GPD2: variants seen among roughly 807,000 people sequenced by gnomAD.
GPD2 encodes the protein glycerol-3-phosphate dehydrogenase 2, also known as glycerol-3-phosphate dehydrogenase, mitochondrial.
A neutral mutation model predicts 82.4 loss-of-function variants in GPD2; 54 were observed. That is an observed-to-expected ratio of 0.66 (90% CI 0.53 to 0.82). The LOEUF (loss-of-function observed/expected upper bound fraction) is 0.82, where lower values mean the gene tolerates loss of function less well. Ranked by LOEUF, GPD2 falls within the 40% of genes least tolerant of loss-of-function variation. The pLI, the probability that GPD2 is intolerant of heterozygous loss-of-function variation, is 0.00. For missense variants in GPD2, 748 were observed against 896.2 expected, an observed-to-expected ratio of 0.83 and a Z score of 2.11; for synonymous variants, 288 against 306.1, an observed-to-expected ratio of 0.94 and a Z score of 0.62.
chr2:156,456,477 A>G (rs558060634), intron 1 of GPD2, among the ~76,000 whole-genome samples: 1 of 151,970 alleles, frequency 6.6e-6, no homozygotes, highest in East Asian at 1.9e-4. Flanking sequence ...GTGGCGCACA[A>G]CTGTAATCCC....
intron 2 of GPD2, among the ~76,000 whole-genome samples, chr2:156,481,802 G>T (rs1683743937): frequency 6.6e-6 from 1 of 151,980 alleles, no homozygotes; most frequent in Admixed American, 6.6e-5. Flanking sequence ...TTTAATAACT[G>T]AATAGTATTC....
At chr2:156,552,613 C>T (rs952303076) in intron 8 of GPD2, among the ~76,000 whole-genome samples, 5 of 152,122 alleles carry the variant, frequency 3.3e-5, no homozygotes, top group Admixed American at 2.6e-4. Flanking sequence ...TCACTATCAT[C>T]CCATGATGTC....
At chr2:156,466,850 G>T (rs1289903126) in intron 1 of GPD2, among the ~76,000 whole-genome samples, 1 of 151,902 alleles carries the variant, frequency 6.6e-6, no homozygotes, top group Admixed American at 6.6e-5. Context: ...TGCATTTTTT[G>T]AACTCTGCCC....
At position 156,569,661 on chromosome 2, in the gene GPD2, G is replaced by A; in HGVS notation, c.1476+123G>A. On this transcript the variant is annotated intron_variant, in intron 11 of 16. Coordinates refer to ENST00000438166, the MANE Select transcript of GPD2 (RefSeq NM_000408.5). ...CCTTTTGCTGAATACATTTCTGCCA[G>A]TCTGTTATGGAAGGAAAAAAAGATG... The A allele has an allele frequency of 5.0e-6, 4 of 794,798 alleles. No homozygotes were observed. The South Asian group carries it at 5.6e-5, about 11-fold the overall frequency. 49.2% of individuals were successfully genotyped at this position (794,798 alleles called of 1,614,324 possible).
chr2:156,507,168 C>T (rs1227619737), intron 3 of GPD2, among the ~76,000 whole-genome samples: 2 of 151,960 alleles, frequency 1.3e-5, no homozygotes, highest in East Asian at 1.9e-4. Context: ...CATGCACCAC[C>T]GTGCCTGACA....
Position 156,496,042 on chromosome 2 carries a change from A to G in GPD2, c.103-2A>G, listed in dbSNP as rs1684359314. ...ACTGAAAGTGATCTGCTTTTACATC[A>G]GATGAACCTGGCCTATGTTAAAGCA... On this transcript the variant is annotated splice_acceptor_variant, in intron 2 of 16. Coordinates refer to ENST00000438166, the MANE Select transcript of GPD2 (RefSeq NM_000408.5). LOFTEE classifies it high-confidence loss of function. 1.2e-6 allele frequency: 2 copies of G among 1,609,618 alleles called. No individual in the cohort carries two copies. The highest frequency in any genetic ancestry group is 1.3e-5 in the African/African-American group (1 of 74,800).
At chr2:156,479,518 T>C (rs1198489373) in intron 2 of GPD2, among the ~76,000 whole-genome samples, 4 of 152,200 alleles carry the variant, frequency 2.6e-5, no homozygotes, top group African/African-American at 9.6e-5. Flanking sequence ...GTTTATTATT[T>C]TTATTTTCTA....
At chr2:156,477,035 T>A (rs536637666) in intron 2 of GPD2, among the ~76,000 whole-genome samples, 1 of 152,360 alleles carries the variant, frequency 6.6e-6, no homozygotes, top group Admixed American at 6.5e-5. Flanking sequence ...CTTTAAGCCA[T>A]GGTTTGTCTT....
intron 9 of GPD2, among the ~76,000 whole-genome samples, chr2:156,560,248 A>G (rs1302114695): frequency 6.6e-6 from 1 of 152,198 alleles, no homozygotes; most frequent in Non-Finnish European, 1.5e-5. Flanking sequence ...GCTTTAACGG[A>G]GACTGGATCA....
At chr2:156,510,029 C>T (rs1200718639) in intron 3 of GPD2, among the ~76,000 whole-genome samples, 1 of 151,950 alleles carries the variant, frequency 6.6e-6, no homozygotes, top group Non-Finnish European at 1.5e-5. Flanking sequence ...GTGATCCACC[C>T]GCCTCCGCCT....
chr2:156,407,212 C>G, the GPD2 span, among the ~76,000 whole-genome samples: 5 of 152,176 alleles, frequency 3.3e-5, no homozygotes, highest in African/African-American at 1.2e-4. Flanking sequence ...GGTTTCCTTT[C>G]CTAGAGGAAA....
chr2:156,468,179 C>T (rs1683210519), intron 1 of GPD2, among the ~76,000 whole-genome samples: 1 of 152,108 alleles, frequency 6.6e-6, no homozygotes, highest in Non-Finnish European at 1.5e-5. Context: ...TCAAGCCACC[C>T]AGTGATCTTG....
intron 1 of GPD2, among the ~76,000 whole-genome samples, chr2:156,459,123 C>T (rs1254958561): frequency 1.3e-5 from 2 of 152,066 alleles, no homozygotes; most frequent in African/African-American, 4.8e-5. Context: ...GTGTACTTAA[C>T]TCAGAAAGGA....
intron 2 of GPD2, among the ~76,000 whole-genome samples, chr2:156,484,495 G>GT (rs1231851677): frequency 1.3e-5 from 2 of 151,838 alleles, no homozygotes; most frequent in African/African-American, 2.4e-5. Flanking sequence ...AATAGTCTTT[G>GT]TTTTTTTTCC....
the GPD2 span, among the ~76,000 whole-genome samples, chr2:156,416,825 C>T: frequency 6.6e-6 from 1 of 151,998 alleles, no homozygotes; most frequent in Non-Finnish European, 1.5e-5. Context: ...TATGCTAAAT[C>T]ATGATAAGTG....
chr2:156,400,764 G>A, the GPD2 span, among the ~76,000 whole-genome samples: 5 of 152,300 alleles, frequency 3.3e-5, no homozygotes, highest in East Asian at 1.9e-4. Flanking sequence ...ATATGCTTTC[G>A]GCTGGGGGAT....
the GPD2 span, among the ~76,000 whole-genome samples, chr2:156,419,308 C>T: frequency 6.6e-6 from 1 of 152,186 alleles, no homozygotes; most frequent in South Asian, 2.1e-4. Flanking sequence ...ATCTGCCCAC[C>T]TGGGCCTCCC....
At chr2:156,482,451 G>T (rs1683767191) in intron 2 of GPD2, among the ~76,000 whole-genome samples, 1 of 151,916 alleles carries the variant, frequency 6.6e-6, no homozygotes, top group Non-Finnish European at 1.5e-5. Context: ...TTGCTAAAAA[G>T]TTACAAGAAT....
intron 8 of GPD2, among the ~76,000 whole-genome samples, chr2:156,553,964 A>AT: frequency 6.6e-6 from 1 of 152,286 alleles, no homozygotes; most frequent in East Asian, 1.9e-4. Context: ...TAATATCCCC[A>AT]TTTTTGGCAC....
Sources: gnomAD v4.1 joint callset for allele counts (sites outside exome capture counted in the v4.1 genomes callset) on GRCh38, gnomAD v4.1.1 for gene constraint, MANE v1.5 for transcripts, NCBI Gene and HGNC (gene_info 2026-07-23, HGNC 2026-07-21) for gene names.